Variants in NOX4 observed in about 807,000 individuals in gnomAD.
The protein encoded by NOX4 is NADPH oxidase 4.
A neutral mutation model predicts 87.6 loss-of-function variants in NOX4; 69 were observed. The ratio of observed to expected loss-of-function variants is 0.79; its 90% CI spans 0.65 to 0.96. The LOEUF (loss-of-function observed/expected upper bound fraction) is 0.96, where lower values mean the gene tolerates loss of function less well. Ranked by LOEUF, NOX4 falls within the 40% of genes least tolerant of loss-of-function variation. The pLI is 0.00. For missense variants in NOX4, 680 were observed against 681.5 expected (o/e 1.00, Z 0.02); for synonymous variants, 275 against 238.2 (o/e 1.15, Z -1.42).
chr11:89,471,658 T>G (rs967866763), intron 2 of NOX4, among the ~76,000 whole-genome samples: 7 of 152,172 alleles, frequency 4.6e-5, no homozygotes, highest in African/African-American at 1.7e-4. Flanking sequence ...AGACTGCACT[T>G]AAGAATAAAA....
chr11:89,541,268 T>C, the NOX4 span, among the ~76,000 whole-genome samples: 8 of 152,186 alleles, frequency 5.3e-5, no homozygotes, highest in African/African-American at 1.9e-4. Flanking sequence ...AGTGGGTACA[T>C]TTCCTATTTT....
the NOX4 span, among the ~76,000 whole-genome samples, chr11:89,536,147 T>C: frequency 3.6e-5 from 5 of 139,300 alleles, no homozygotes; most frequent in Admixed American, 7.1e-5. Context: ...TCTTTTTTTT[T>C]TTTTTTTTTT....
chr11:89,412,213 C>T (rs1296745926), intron 8 of NOX4, among the ~76,000 whole-genome samples: 1 of 152,080 alleles, frequency 6.6e-6, no homozygotes, highest in Non-Finnish European at 1.5e-5. Flanking sequence ...TTAAATACAA[C>T]AATAGTTGGA....
chr11:89,511,310 G>A, the NOX4 span, among the ~76,000 whole-genome samples: 1 of 151,618 alleles, frequency 6.6e-6, no homozygotes, highest in Non-Finnish European at 1.5e-5. Flanking sequence ...TATTAACTGT[G>A]GGCATTACAG....
chr11:89,449,462 A>C lies in NOX4; in HGVS notation c.327T>G (p.Gly109=), dbSNP rs371635299. Residue 109 remains glycine, a synonymous_variant, in exon 4 of 18, where the codon GGT becomes GGG. Transcript: ENST00000263317. The stretch of plus-strand genomic sequence containing the variant: ...CACCTGAGAAAATACAGATAGTAAC[A>C]CCACAGGTAATATGGAATGTTCTGC... ...DKSRTFHITC[G]VTICIFSGVH... is the part of the protein sequence containing the mutation. The C allele has an allele frequency of 9.4e-5, 151 of 1,610,746 alleles. No homozygotes were observed. The highest frequency in any genetic ancestry group is 1.7e-4 in the Middle Eastern group (1 of 6,054).
intron 2 of NOX4, among the ~76,000 whole-genome samples, chr11:89,481,171 G>A (rs367949788): frequency 3.3e-5 from 5 of 152,042 alleles, no homozygotes; most frequent in Admixed American, 2.0e-4. Flanking sequence ...TGTCCTAGGT[G>A]TCATCTCATA....
chr11:89,434,225 G>A (rs78609499), intron 6 of NOX4, among the ~76,000 whole-genome samples: 5,265 of 152,110 alleles, frequency 0.035, 321 homozygotes, highest in African/African-American at 0.12. Context: ...GAAAATAACA[G>A]CATTCGAAAT....
intron 12 of NOX4, among the ~76,000 whole-genome samples, chr11:89,368,658 C>T (rs1317355397): frequency 6.6e-6 from 1 of 152,052 alleles, no homozygotes; most frequent in African/African-American, 2.4e-5. Flanking sequence ...CCTAAAAGTC[C>T]TACCTCTTAA....
intron 2 of NOX4, among the ~76,000 whole-genome samples, chr11:89,459,778 A>G (rs1203530084): frequency 6.6e-6 from 1 of 152,066 alleles, no homozygotes; most frequent in Non-Finnish European, 1.5e-5. Context: ...CAAGTTACCA[A>G]TGACTTTCTT....
At position 89,335,829 on chromosome 11, in the gene NOX4, G is replaced by A. The variant is rs780481169; in HGVS notation, c.1616+16C>T. ...TTTATTAGCCACATATCAAATTTTT[G>A]AGGTATAGTACTTACCCTCTGTTAT... On this transcript the variant is annotated intron_variant, in intron 17 of 17. Transcript: ENST00000263317. 1 of 1,236,806 alleles carries A rather than the reference G, an allele frequency of 8.1e-7. No individual in the cohort carries two copies. Among genetic ancestry groups the A allele is most frequent in the Non-Finnish European group, 1.1e-6 (1 of 893,680 alleles). 76.6% of individuals were successfully genotyped at this position (1,236,806 alleles called of 1,614,324 possible). A position where few individuals can be genotyped will look rare whatever the true frequency, so the allele number is the denominator to read the frequency against.
rs1298491672 is a variant in NOX4, at chr11:89,325,445, T to G, written c.*1311A>C. ...ATTCTTAAGATAGTAATGGGAAATA[T>G]TGTTCTGAGCCAAGAATATGATAGC... is the stretch of plus-strand genomic sequence containing the variant. On this transcript the variant is annotated 3_prime_UTR_variant, in exon 18 of 18. Transcript: ENST00000263317. 6.6e-6 allele frequency: 1 copy of G among 152,126 alleles called. No individual in the cohort carries two copies. The highest frequency in any genetic ancestry group is 2.4e-5 in the African/African-American group (1 of 41,424). The allele number at this position is 152,126 out of a possible 1,614,324, so 9.4% of individuals were successfully genotyped here.
the NOX4 span, among the ~76,000 whole-genome samples, chr11:89,528,366 A>C: frequency 6.6e-6 from 1 of 152,278 alleles, no homozygotes; most frequent in African/African-American, 2.4e-5. Flanking sequence ...ACTACTGGGA[A>C]GGCATGATTG....
chr11:89,358,117 G>A (rs548171257), intron 12 of NOX4, among the ~76,000 whole-genome samples: 1 of 152,124 alleles, frequency 6.6e-6, no homozygotes, highest in Admixed American at 6.5e-5. Flanking sequence ...GGGCATGGTG[G>A]CTCACACCCA....
At chr11:89,568,964 G>A in the NOX4 span, among the ~76,000 whole-genome samples, 8 of 152,188 alleles carry the variant, frequency 5.3e-5, no homozygotes, top group South Asian at 2.1e-4. Context: ...CTAGCCATAT[G>A]CAGAGGATTG....
At chr11:89,546,567 G>T in the NOX4 span, 18 of 152,250 alleles carry the variant, frequency 1.2e-4, no homozygotes, top group African/African-American at 4.3e-4. Context: ...TTCTGTCTTA[G>T]TCTGTTTTGC....
chr11:89,357,052 CT>C (rs1483761260), intron 12 of NOX4, among the ~76,000 whole-genome samples: 1 of 152,140 alleles, frequency 6.6e-6, no homozygotes, highest in Non-Finnish European at 1.5e-5. Flanking sequence ...AAAATATACA[CT>C]TGATGACAAT....
upstream of NOX4, among the ~76,000 whole-genome samples, chr11:89,499,893 C>T (rs2135510737): frequency 6.6e-6 from 1 of 152,132 alleles, no homozygotes; most frequent in Non-Finnish European, 1.5e-5. Flanking sequence ...ATTTATCATT[C>T]TAACCTTGGA....
intron 5 of NOX4, chr11:89,443,846 G>A (rs925790671): frequency 3.3e-6 from 1 of 300,064 alleles, no homozygotes; most frequent in Non-Finnish European, 6.2e-6. Flanking sequence ...TGAATGATAG[G>A]AATTAGACAA....
At chr11:89,521,729 ATAGAG>A in the NOX4 span, among the ~76,000 whole-genome samples, 3 of 152,160 alleles carry the variant, frequency 2.0e-5, no homozygotes, top group African/African-American at 7.2e-5. Flanking sequence ...GAAACAACTG[ATAGAG>A]TAAACAGACA....
Sources: gnomAD v4.1 joint callset for allele counts (sites outside exome capture counted in the v4.1 genomes callset) on GRCh38, gnomAD v4.1.1 for gene constraint, MANE v1.5 for transcripts, NCBI Gene and HGNC (gene_info 2026-07-23, HGNC 2026-07-21) for gene names.